The following ZNF892 variants were observed in gnomAD, a reference collection of about 807,000 sequenced individuals.
The protein encoded by ZNF892 is zinc finger protein 892.
the ZNF892 span, among the ~76,000 whole-genome samples, chr2:95,235,746 A>G: frequency 3.8e-4 from 58 of 152,282 alleles, no homozygotes; most frequent in Non-Finnish European, 4.9e-4. Context: ...TCTGAAGTTT[A>G]TATCAAGTGG....
At chr2:95,217,800 GC>G in the ZNF892 span, among the ~76,000 whole-genome samples, 1 of 152,152 alleles carries the variant, frequency 6.6e-6, no homozygotes, top group African/African-American at 2.4e-5. Flanking sequence ...CTGCCAGGTA[GC>G]CCCTCTCCTA....
the ZNF892 span, among the ~76,000 whole-genome samples, chr2:95,252,241 C>T: frequency 6.9e-6 from 1 of 144,446 alleles, no homozygotes; most frequent in South Asian, 2.5e-4. Flanking sequence ...CCCCCTCCCC[C>T]CACCACACAG....
At chr2:95,245,641 G>A in the ZNF892 span, among the ~76,000 whole-genome samples, 1 of 142,446 alleles carries the variant, frequency 7.0e-6, no homozygotes, top group Non-Finnish European at 1.5e-5. Context: ...AAGAAGAAAA[G>A]AGAGAAGAAT....
At chr2:95,257,049 A>C in the ZNF892 span, among the ~76,000 whole-genome samples, 1 of 152,130 alleles carries the variant, frequency 6.6e-6, no homozygotes, top group East Asian at 1.9e-4. Flanking sequence ...TAGTTTGATC[A>C]TCTGAAGCCT....
the ZNF892 span, chr2:95,231,982 A>G: frequency 6.6e-6 from 1 of 152,122 alleles, no homozygotes; most frequent in Non-Finnish European, 1.5e-5. Flanking sequence ...GACATTTTTT[A>G]TCTTTTTCCA....
At chr2:95,243,524 C>T in the ZNF892 span, among the ~76,000 whole-genome samples, 2 of 151,208 alleles carry the variant, frequency 1.3e-5, no homozygotes, top group East Asian at 2.0e-4. Context: ...ATGTGAGGAG[C>T]GTCTCTGCCC....
At chr2:95,249,331 C>T in the ZNF892 span, among the ~76,000 whole-genome samples, 2 of 138,936 alleles carry the variant, frequency 1.4e-5, no homozygotes, top group Non-Finnish European at 3.0e-5. Context: ...ACCTCTGCTT[C>T]CTGGGTTCAA....
At chr2:95,236,484 GTAAT>G in the ZNF892 span, among the ~76,000 whole-genome samples, 2 of 152,328 alleles carry the variant, frequency 1.3e-5, no homozygotes, top group African/African-American at 4.8e-5. Context: ...TTAGTTCCAT[GTAAT>G]TAATTCTCGT....
At chr2:95,258,664 C>T in the ZNF892 span, among the ~76,000 whole-genome samples, 1 of 152,104 alleles carries the variant, frequency 6.6e-6, no homozygotes, top group African/African-American at 2.4e-5. Flanking sequence ...GTATCCAACA[C>T]CTGGATCCCT....
the ZNF892 span, among the ~76,000 whole-genome samples, chr2:95,248,333 A>G: frequency 6.6e-6 from 1 of 152,164 alleles, no homozygotes; most frequent in Non-Finnish European, 1.5e-5. Flanking sequence ...GGGGACTACT[A>G]GAGGGAGGAG....
At chr2:95,224,511 T>G in the ZNF892 span, among the ~76,000 whole-genome samples, 1 of 152,158 alleles carries the variant, frequency 6.6e-6, no homozygotes, top group African/African-American at 2.4e-5. Context: ...AACAGGCTCA[T>G]CTTACATGGC....
the ZNF892 span, among the ~76,000 whole-genome samples, chr2:95,241,255 AC>A: frequency 6.6e-6 from 1 of 151,576 alleles, no homozygotes; most frequent in Non-Finnish European, 1.5e-5. Flanking sequence ...ACAGGTCAGC[AC>A]CCCCCTGGGA....
At chr2:95,215,619 G>T in the ZNF892 span, 1 of 399,614 alleles carries the variant, frequency 2.5e-6, no homozygotes, top group South Asian at 1.3e-4. Context: ...ATGTAAATGT[G>T]GTACATTCAG....
the ZNF892 span, among the ~76,000 whole-genome samples, chr2:95,245,360 C>G: frequency 6.7e-6 from 1 of 148,874 alleles, no homozygotes; most frequent in South Asian, 2.1e-4. Flanking sequence ...ATGCCATTCT[C>G]CTGCCTCTGC....
At chr2:95,237,279 C>T in the ZNF892 span, among the ~76,000 whole-genome samples, 3 of 152,054 alleles carry the variant, frequency 2.0e-5, no homozygotes, top group African/African-American at 7.2e-5. Flanking sequence ...TCCCGAGTAG[C>T]TGGGACTACA....
the ZNF892 span, among the ~76,000 whole-genome samples, chr2:95,231,804 C>T: frequency 1.3e-5 from 2 of 152,046 alleles, no homozygotes; most frequent in Admixed American, 6.6e-5. Flanking sequence ...CCTGTAGTTC[C>T]GTTCAGCCTC....
chr2:95,237,796 C>T, the ZNF892 span, among the ~76,000 whole-genome samples: 5 of 152,234 alleles, frequency 3.3e-5, no homozygotes, highest in Non-Finnish European at 5.9e-5. Flanking sequence ...CAAAGCAACA[C>T]AGCCTTATTG....
At chr2:95,210,337 AC>A in the ZNF892 span, among the ~76,000 whole-genome samples, 1 of 151,838 alleles carries the variant, frequency 6.6e-6, no homozygotes, top group Non-Finnish European at 1.5e-5. Flanking sequence ...TCATTTGCTA[AC>A]CCAAGGGATG....
chr2:95,207,764 C>T, the ZNF892 span: 1 of 398,416 alleles, frequency 2.5e-6, no homozygotes, highest in Admixed American at 4.4e-5. Context: ...GGACCTCCGG[C>T]TCCTTCCCCT....
Sources: allele counts gnomAD v4.1 joint callset (sites outside exome capture counted in the v4.1 genomes callset), GRCh38; gene constraint gnomAD v4.1.1; transcripts MANE v1.5; gene names NCBI Gene and HGNC (gene_info 2026-07-23, HGNC 2026-07-21).